PCDHA9: variants seen among roughly 807,000 people sequenced by gnomAD.
The protein encoded by PCDHA9 is protocadherin alpha 9, also known as protocadherin alpha-9.
In PCDHA9, 62 loss-of-function variants were observed where a neutral mutation model predicts 62.0. The ratio of observed to expected loss-of-function variants is 1.00; its 90% CI spans 0.81 to 1.23. PCDHA9 has a LOEUF of 1.23. Among genes scored for constraint, PCDHA9 ranks in the 50% most tolerant of loss-of-function variants. PCDHA9 has a pLI of 0.00. For missense variants in PCDHA9, 1,205 were observed against 1,249.8 expected (o/e 0.96, Z 0.54); for synonymous variants, 557 against 567.6 (o/e 0.98, Z 0.27).
intron 1 of PCDHA9, chr5:140,856,080 A>G: frequency 6.3e-7 from 1 of 1,594,626 alleles, no homozygotes; most frequent in African/African-American, 1.3e-5. Context: ...CTGGGGGTCC[A>G]GTGTCTGCTG....
chr5:140,924,872 G>A (rs1161649938), intron 1 of PCDHA9, among the ~76,000 whole-genome samples: 2 of 149,350 alleles, frequency 1.3e-5, no homozygotes, highest in South Asian at 2.1e-4. Context: ...TCCAGCCTGG[G>A]TGACAGAGCA....
intron 1 of PCDHA9, chr5:140,882,226 G>A (rs778262653): frequency 1.3e-6 from 2 of 1,564,150 alleles, no homozygotes; most frequent in Non-Finnish European, 1.7e-6. Context: ...GAGGTAAGGC[G>A]TTGTATATAT....
At chr5:140,927,590 T>C (rs782100491) in intron 1 of PCDHA9, 21 of 1,614,058 alleles carry the variant, frequency 1.3e-5, no homozygotes, top group Non-Finnish European at 1.4e-5. Flanking sequence ...GCGCCTGTAT[T>C]TGAGCGCTCC....
chr5:140,999,654 C>A (rs180994815), intron 3 of PCDHA9, among the ~76,000 whole-genome samples: 1 of 152,122 alleles, frequency 6.6e-6, no homozygotes, highest in South Asian at 2.1e-4. Flanking sequence ...AGCCTGAGCC[C>A]TGCTGGGTTG....
intron 1 of PCDHA9, chr5:140,860,531 T>C (rs1488177116): frequency 1.3e-5 from 2 of 152,156 alleles, no homozygotes; most frequent in Non-Finnish European, 2.9e-5. Flanking sequence ...AATTCTGATT[T>C]GTAAGACAAA....
chr5:140,920,923 G>T (rs1229531762), intron 1 of PCDHA9, among the ~76,000 whole-genome samples: 1 of 151,200 alleles, frequency 6.6e-6, no homozygotes, highest in Non-Finnish European at 1.5e-5. Flanking sequence ...TCCAAGAGTA[G>T]GTGATCTAGC....
At chr5:140,918,046 G>A (rs1159911161) in intron 1 of PCDHA9, among the ~76,000 whole-genome samples, 2 of 152,006 alleles carry the variant, frequency 1.3e-5, no homozygotes, top group African/African-American at 4.8e-5. Flanking sequence ...CTTTCCATTT[G>A]TTTTATCATC....
chr5:140,999,786 G>A (rs1050666056), intron 3 of PCDHA9, among the ~76,000 whole-genome samples: 4 of 152,120 alleles, frequency 2.6e-5, no homozygotes, highest in African/African-American at 9.7e-5. Flanking sequence ...CCTAGAAATG[G>A]CAGAGTTATT....
Position 141,011,779 on chromosome 5 carries a change from A to G in PCDHA9, c.*1842A>G, listed in dbSNP as rs1407523783. On this transcript the variant is annotated 3_prime_UTR_variant, in exon 4 of 4. Transcript: ENST00000532602. ...CTTTGAAGTTGCAGAATGCTTTGAAATTCTAATGGTATCTGAAATATCAGC... is the reference window on the plus strand; with the variant it reads ...CTTTGAAGTTGCAGAATGCTTTGAAGTTCTAATGGTATCTGAAATATCAGC... The G allele has an allele frequency of 6.5e-6, 1 of 153,778 alleles. No homozygotes were observed. Among genetic ancestry groups the G allele is most frequent in the East Asian group, 1.9e-4 (1 of 5,202 alleles). 9.5% of individuals were successfully genotyped at this position (153,778 alleles called of 1,614,324 possible).
chr5:140,863,234 G>A (rs782122852), intron 1 of PCDHA9: 1 of 1,250,682 alleles, frequency 8.0e-7, no homozygotes. Flanking sequence ...GTCCCATCGC[G>A]GGCTTTGGCG....
Position 140,849,440 on chromosome 5 carries a change from A to G in PCDHA9, c.945A>G (p.Ala315=). The stretch of plus-strand genomic sequence containing the variant: ...ATATGGATTTTGAAGAAAGTAGAGC[A>G]CACAAGATCCCAGTCGAGGCTGTCG... ...IGHMDFEESR[A]HKIPVEAVDK... Residue 315 remains alanine (A), a synonymous_variant, in exon 1 of 4, where the codon GCA becomes GCG. Coordinates refer to ENST00000532602, the MANE Select transcript of PCDHA9 (RefSeq NM_031857.2). 1 of 1,584,040 alleles carries G rather than the reference A, an allele frequency of 6.3e-7. No homozygotes were observed. Among genetic ancestry groups the G allele is most frequent in the Non-Finnish European group, 8.6e-7 (1 of 1,159,570 alleles).
At chr5:140,988,467 A>T (rs1245281936) in intron 3 of PCDHA9, among the ~76,000 whole-genome samples, 12 of 152,242 alleles carry the variant, frequency 7.9e-5, no homozygotes, top group African/African-American at 2.4e-4. Flanking sequence ...AGGGTGTGGG[A>T]AGGGGAATTA....
intron 1 of PCDHA9, chr5:140,877,239 C>T (rs2056959197): frequency 1.9e-6 from 3 of 1,613,668 alleles, no homozygotes; most frequent in Middle Eastern, 1.7e-4. Context: ...GTGCGGGCCA[C>T]GTGGTGGCGA....
rs527413028 is a variant in PCDHA9, at chr5:140,920,520, G to A, written c.2395-58429G>A. Among the ~76,000 whole-genome samples, 10 of 152,176 alleles carry A rather than the reference G, an allele frequency of 6.6e-5. No homozygotes were observed. In the South Asian group the frequency reaches 1.7e-3, roughly 25 times the overall value. ...TTCTACATACTGTTTTATGCAATTCGTTAGACTCAGGTTTTCTATTTCACC... is the reference window on the plus strand; with the variant it reads ...TTCTACATACTGTTTTATGCAATTCATTAGACTCAGGTTTTCTATTTCACC... On this transcript the variant is annotated intron_variant, in intron 1 of 3. Transcript: ENST00000532602.
intron 1 of PCDHA9, chr5:140,869,657 A>G (rs2051312714): frequency 6.2e-7 from 1 of 1,613,452 alleles, no homozygotes; most frequent in South Asian, 1.1e-5. Flanking sequence ...TCACCAACAA[A>G]TGGTAAGCAG....
chr5:140,920,400 T>C (rs1185930806), intron 1 of PCDHA9, among the ~76,000 whole-genome samples: 1 of 152,244 alleles, frequency 6.6e-6, no homozygotes, highest in Non-Finnish European at 1.5e-5. Context: ...TGGTGTCTTT[T>C]TTTAATCAGA....
At chr5:140,942,992 C>T (rs782446748) in intron 1 of PCDHA9, among the ~76,000 whole-genome samples, 3 of 152,006 alleles carry the variant, frequency 2.0e-5, no homozygotes, top group South Asian at 2.1e-4. Flanking sequence ...TGTGGTGGCT[C>T]ATGCCTGTAA....
At chr5:140,979,564 A>G (rs1267870261) in intron 2 of PCDHA9, among the ~76,000 whole-genome samples, 2 of 152,222 alleles carry the variant, frequency 1.3e-5, no homozygotes, top group Non-Finnish European at 2.9e-5. Context: ...AAGATGAGCC[A>G]TGTAAAGGGC....
chr5:140,899,675 C>T lies in PCDHA9; in HGVS notation c.2394+48786C>T, dbSNP rs569711192. On this transcript the variant is annotated intron_variant, in intron 1 of 3. Coordinates refer to ENST00000532602, the MANE Select transcript of PCDHA9 (RefSeq NM_031857.2). The stretch of plus-strand genomic sequence containing the variant: ...TTGTGTCTCTGCCCGGCTTTGGTAT[C>T]AGGATGATGCTGGCCTCATAAAATG... Among the ~76,000 whole-genome samples the T allele has an allele frequency of 4.6e-3, 702 of 152,296 alleles. 3 individuals are homozygous for T. The highest frequency in any genetic ancestry group is 0.016 in the African/African-American group (679 of 41,556).
Sources: allele counts gnomAD v4.1 joint callset (sites outside exome capture counted in the v4.1 genomes callset), GRCh38; gene constraint gnomAD v4.1.1; transcripts MANE v1.5; gene names NCBI Gene and HGNC (gene_info 2026-07-23, HGNC 2026-07-21).